Variants in GALNT5 observed in about 807,000 individuals in gnomAD.
GALNT5 encodes UDP-GalNAc:polypeptide N-acetylgalactosaminyltransferase 5.
A neutral mutation model predicts 85.4 loss-of-function variants in GALNT5; 72 were observed. That is an observed-to-expected ratio of 0.84 (90% confidence interval 0.70 to 1.03). The LOEUF is 1.03. Ranked by LOEUF, GALNT5 falls within the 50% of genes least tolerant of loss-of-function variation. GALNT5 has a pLI of 0.00. For missense variants in GALNT5, 1,137 were observed against 1,135.5 expected, an observed-to-expected ratio of 1.00 and a Z score of -0.02; for synonymous variants, 404 against 397.0, an observed-to-expected ratio of 1.02 and a Z score of -0.21.
At chr2:157,262,101 C>G (rs1682354138) in intron 1 of GALNT5, among the ~76,000 whole-genome samples, 1 of 151,192 alleles carries the variant, frequency 6.6e-6, no homozygotes, top group African/African-American at 2.4e-5. Context: ...TGGAGAATAT[C>G]TTCCTTTTTG....
At chr2:157,271,691 T>C (rs1013450234) in intron 1 of GALNT5, among the ~76,000 whole-genome samples, 2 of 152,134 alleles carry the variant, frequency 1.3e-5, no homozygotes, top group Non-Finnish European at 2.9e-5. Flanking sequence ...GCAGAGGAGC[T>C]GGTTGGGTTG....
intron 7 of GALNT5, among the ~76,000 whole-genome samples, chr2:157,303,206 G>T (rs1172016595): frequency 1.3e-5 from 2 of 152,128 alleles, no homozygotes; most frequent in Non-Finnish European, 1.5e-5. Flanking sequence ...GGATTAAACT[G>T]CTGGCAAACA....
rs970191348 is a variant in GALNT5 at position 157,315,384 on chromosome 2, C to CA, written c.*4044dup. Among the ~76,000 whole-genome samples the CA allele has an allele frequency of 4.6e-5, 7 of 152,068 alleles. No individual in the cohort carries two copies. The highest frequency in any genetic ancestry group is 1.7e-4 in the African/African-American group (7 of 41,504). On this transcript the variant is annotated 3_prime_UTR_variant, in exon 10 of 10. Transcript: ENST00000259056. ...AACCCAGTTTCCATTTTATCTGGCT[C>CA]AAAAAAAATTTCTCTCACTATACCA...
rs368197503 is a variant in GALNT5, at chr2:157,279,650, T to C, written c.1455-4632T>C. Among the ~76,000 whole-genome samples the C allele has an allele frequency of 4.6e-5, 7 of 152,264 alleles. No individual in the cohort carries two copies. In the East Asian group the frequency reaches 1.3e-3, roughly 29 times the overall value. On this transcript the variant is annotated intron_variant, in intron 1 of 9. Transcript: ENST00000259056. Reference sequence around the variant, plus strand: ...AGGCACAGGAAAGAATCTCTGGGTCTGCCAGTTGCTGAGACTGTGGGAAAA... The same window carrying C: ...AGGCACAGGAAAGAATCTCTGGGTCCGCCAGTTGCTGAGACTGTGGGAAAA...
rs577103815 is a variant in GALNT5 at position 157,270,929 on chromosome 2, T to C, written c.1454+11393T>C. ...AGGAGATCGAGACCATCCTGGCTAA[T>C]ATGGTGAAACCCCGTCTCTACTAAA... On this transcript the variant is annotated intron_variant, in intron 1 of 9. Coordinates refer to ENST00000259056, the MANE Select transcript of GALNT5 (RefSeq NM_014568.3). 3.1e-3 allele frequency among the ~76,000 whole-genome samples: 465 copies of C among 152,128 alleles called. 1 individual carries two copies. The highest frequency in any genetic ancestry group is 5.8e-3 in the Non-Finnish European group (395 of 67,972).
At chr2:157,303,336 T>C (rs574501016) in intron 7 of GALNT5, among the ~76,000 whole-genome samples, 5 of 152,278 alleles carry the variant, frequency 3.3e-5, no homozygotes, top group African/African-American at 9.6e-5. Context: ...CATTTGAAGC[T>C]AATGAAAGAA....
intron 5 of GALNT5, among the ~76,000 whole-genome samples, chr2:157,297,468 C>A (rs1049687127): frequency 6.4e-4 from 98 of 152,232 alleles, no homozygotes; most frequent in African/African-American, 2.3e-3. Context: ...GAATACGCAG[C>A]TAATCAAAGA....
Position 157,300,910 on chromosome 2 carries a change from C to T in GALNT5, c.2350C>T (p.Arg784Ter), listed in dbSNP as rs187784514. 3.1e-4 allele frequency: 505 copies of T among 1,613,908 alleles called. No individual in the cohort carries two copies. The highest frequency in any genetic ancestry group is 3.5e-4 in the Non-Finnish European group (418 of 1,179,916). ...VGNLTQQREL[R>*]KKLKCKSFKW... is the part of the protein sequence containing the mutation. ...CAACCTCACCCAGCAAAGGGAGCTG[C>T]GAAAGAAACTGAAGTGCAAAAGTTT... is the stretch of plus-strand genomic sequence containing the variant. The change falls in exon 7 of 10, where the codon CGA becomes TGA. Residue 784 changes from arginine to a stop codon, truncating the protein, a stop_gained. Coordinates refer to ENST00000259056, the MANE Select transcript of GALNT5 (RefSeq NM_014568.3). LOFTEE classifies it high-confidence loss of function.
intron 1 of GALNT5, among the ~76,000 whole-genome samples, chr2:157,260,867 G>T (rs773890180): frequency 6.6e-6 from 1 of 152,130 alleles, no homozygotes; most frequent in Non-Finnish European, 1.5e-5. Context: ...TGCCATTCAC[G>T]CTTCTCACCC....
chr2:157,300,894 C>T lies in GALNT5; in HGVS notation c.2334C>T (p.Thr778=), dbSNP rs1683328472. 9 of 1,613,792 alleles carry T rather than the reference C, an allele frequency of 5.6e-6. No individual in the cohort carries two copies. The highest frequency in any genetic ancestry group is 7.6e-6 in the Non-Finnish European group (9 of 1,179,810). ...AAGGGCTAGATGTTGGCAACCTCAC[C>T]CAGCAAAGGGAGCTGCGAAAGAAAC... ...IDQGLDVGNL[T]QQRELRKKLK... Residue 778 remains threonine (T), a synonymous_variant, in exon 7 of 10, where the codon ACC becomes ACT. Transcript: ENST00000259056.
chr2:157,260,572 T>C (rs1331970313), intron 1 of GALNT5, among the ~76,000 whole-genome samples: 1 of 152,202 alleles, frequency 6.6e-6, no homozygotes, highest in African/African-American at 2.4e-5. Context: ...TCAAACAATA[T>C]TTGCCAGGAA....
chr2:157,270,228 T>A (rs1176268094), intron 1 of GALNT5, among the ~76,000 whole-genome samples: 1 of 152,178 alleles, frequency 6.6e-6, no homozygotes, highest in Non-Finnish European at 1.5e-5. Flanking sequence ...TGCTCTGATA[T>A]CCCTTAGACT....
chr2:157,297,171 A>C (rs1683231467), intron 5 of GALNT5, among the ~76,000 whole-genome samples: 1 of 152,184 alleles, frequency 6.6e-6, no homozygotes, highest in African/African-American at 2.4e-5. Context: ...TGTAGTGACC[A>C]CTTAAACAGA....
chr2:157,306,891 T>C (rs1174736454), intron 8 of GALNT5, among the ~76,000 whole-genome samples: 3 of 152,204 alleles, frequency 2.0e-5, no homozygotes, highest in Non-Finnish European at 4.4e-5. Context: ...TGAAGAAGTG[T>C]TAAAACTCAT....
rs574772054 is a variant in GALNT5, at chr2:157,258,075, T to G, written c.-8T>G. 8.1e-6 allele frequency: 13 copies of G among 1,612,672 alleles called. No homozygotes were observed. Among genetic ancestry groups the G allele is most frequent in the Middle Eastern group, 1.7e-4 (1 of 5,966 alleles). On this transcript the variant is annotated 5_prime_UTR_variant, in exon 1 of 10. Transcript: ENST00000259056. ...GGGAGGGCAGGCTGCTAGGGAAAGC[T>G]TTGTACCATGAACAGGATCCGAAAG...
chr2:157,304,531 C>G (rs1356794838), intron 7 of GALNT5, among the ~76,000 whole-genome samples: 2 of 152,202 alleles, frequency 1.3e-5, no homozygotes, highest in East Asian at 3.8e-4. Context: ...ATCCAGCTTC[C>G]TTGTTTTCTC....
chr2:157,266,319 T>G (rs1192086370), intron 1 of GALNT5, among the ~76,000 whole-genome samples: 1 of 152,208 alleles, frequency 6.6e-6, no homozygotes, highest in Non-Finnish European at 1.5e-5. Flanking sequence ...CAAGTGCCAA[T>G]GTTGGGACCC....
intron 1 of GALNT5, among the ~76,000 whole-genome samples, chr2:157,263,375 C>T (rs1186567274): frequency 6.6e-6 from 1 of 152,204 alleles, no homozygotes; most frequent in Admixed American, 6.5e-5. Context: ...TCCATCCTCA[C>T]CATTCTCTTG....
chr2:157,259,222 A>T lies in GALNT5; in HGVS notation c.1140A>T (p.Gln380His). 3 of 1,602,178 alleles carry T rather than the reference A, an allele frequency of 1.9e-6. No homozygotes were observed. Among genetic ancestry groups the T allele is most frequent in the Non-Finnish European group, 2.6e-6 (3 of 1,175,568 alleles). The change falls in exon 1 of 10, where the codon CAA (glutamine) becomes CAT (histidine). Residue 380 changes from glutamine to histidine, a missense_variant. Transcript: ENST00000259056. ...CTCCACATAGAGTGCCACTGTCCCAAACTAACCATGCTTTAACTGGAGGGC... is the reference window on the plus strand; with the variant it reads ...CTCCACATAGAGTGCCACTGTCCCATACTAACCATGCTTTAACTGGAGGGC... ...SLAPHRVPLS[Q>H]TNHALTGGLE...
Sources: allele counts gnomAD v4.1 joint callset (sites outside exome capture counted in the v4.1 genomes callset), GRCh38; gene constraint gnomAD v4.1.1; transcripts MANE v1.5; gene names NCBI Gene and HGNC (gene_info 2026-07-23, HGNC 2026-07-21).